The following CCDC171 variants were observed in gnomAD, a reference collection of about 807,000 sequenced individuals.
CCDC171 encodes the protein coiled-coil domain-containing protein 171.
CCDC171 carries 177 observed loss-of-function variants against 168.2 expected under a neutral mutation model. The ratio of observed to expected loss-of-function variants is 1.05; its 90% confidence interval spans 0.93 to 1.19. CCDC171 has a LOEUF of 1.19. CCDC171 is among the 50% of genes most tolerant of loss of function. CCDC171 has a pLI of 0.00. For synonymous variants in CCDC171, 687 were observed against 540.8 expected (o/e 1.27, Z -3.75); for missense variants, 1,991 against 1,539.0 (o/e 1.29, Z -4.91).
At chr9:16,034,847 G>C (rs1209225291) in intron 6 of CCDC171, among the ~76,000 whole-genome samples, 1 of 152,126 alleles carries the variant, frequency 6.6e-6, no homozygotes, top group Non-Finnish European at 1.5e-5. Context: ...TCCTCCATTT[G>C]GTTTTCAAAT....
the CCDC171 span, among the ~76,000 whole-genome samples, chr9:16,071,179 A>G: frequency 5.3e-5 from 8 of 152,056 alleles, no homozygotes; most frequent in South Asian, 6.2e-4. Context: ...ATTGTTTGAG[A>G]CCTGAGACCT....
chr9:15,837,823 G>A (rs1057430874), intron 21 of CCDC171, among the ~76,000 whole-genome samples: 5 of 152,120 alleles, frequency 3.3e-5, no homozygotes, highest in African/African-American at 1.2e-4. Context: ...TTGCACGATG[G>A]GAAAGCCGGT....
intron 7 of CCDC171, among the ~76,000 whole-genome samples, chr9:15,646,469 GAT>G (rs1187747936): frequency 1.3e-5 from 2 of 152,136 alleles, no homozygotes; most frequent in African/African-American, 2.4e-5. Context: ...ATTGGATAAA[GAT>G]TCAAGACCCA....
At position 16,025,299 on chromosome 9, in the gene CCDC171, T is replaced by C. The variant is rs181830864; in HGVS notation, n.998+2391T>C. Among the ~76,000 whole-genome samples, 602 of 152,062 alleles carry C rather than the reference T, an allele frequency of 4.0e-3. 1 individual carries two copies. The highest frequency in any genetic ancestry group is 6.1e-3 in the Non-Finnish European group (414 of 67,966). On this transcript the variant is annotated intron_variant and non_coding_transcript_variant, in intron 6 of 9. Coordinates refer to the CCDC171 transcript ENST00000486641. ...TCTACTAAAAATACAAAAATTAGCC[T>C]GATGTGGTCATGTGCGCCTGTAATC...
At chr9:15,883,847 T>G (rs574534852) in intron 24 of CCDC171, among the ~76,000 whole-genome samples, 1 of 152,320 alleles carries the variant, frequency 6.6e-6, no homozygotes, top group African/African-American at 2.4e-5. Context: ...TGTTGTTTAT[T>G]ATTCCTTTTC....
intron 24 of CCDC171, among the ~76,000 whole-genome samples, chr9:15,911,246 C>T (rs190747861): frequency 3.3e-5 from 5 of 152,120 alleles, no homozygotes; most frequent in Admixed American, 1.3e-4. Context: ...TTCCAACTGG[C>T]GTGAGATGGT....
At chr9:15,672,194 G>T (rs1180708589) in intron 9 of CCDC171, among the ~76,000 whole-genome samples, 1 of 152,104 alleles carries the variant, frequency 6.6e-6, no homozygotes, top group Non-Finnish European at 1.5e-5. Context: ...TTTTGATGGG[G>T]TTGTTTGTTT....
chr9:15,922,355 C>G (rs2132021866), intron 25 of CCDC171, among the ~76,000 whole-genome samples: 1 of 151,642 alleles, frequency 6.6e-6, no homozygotes, highest in Non-Finnish European at 1.5e-5. Context: ...CATTTACTAA[C>G]TTGAACTTTT....
chr9:16,002,135 A>ATTTTT (rs76881347), intron 3 of CCDC171, among the ~76,000 whole-genome samples: 1 of 102,470 alleles, frequency 9.8e-6, no homozygotes. Context: ...GCCTACTATC[A>ATTTTT]TTTTTTTTTT....
intron 25 of CCDC171, among the ~76,000 whole-genome samples, chr9:15,963,306 G>A (rs973012355): frequency 6.6e-6 from 1 of 151,754 alleles, no homozygotes; most frequent in African/African-American, 2.4e-5. Context: ...CGTTGTGCAT[G>A]TGTACCCTAA....
At chr9:16,013,271 A>G (rs529178511) in intron 3 of CCDC171, among the ~76,000 whole-genome samples, 37 of 152,082 alleles carry the variant, frequency 2.4e-4, no homozygotes, top group Non-Finnish European at 4.1e-4. Context: ...CAGCCTCTCC[A>G]GTCAGGCCAT....
intron 25 of CCDC171, among the ~76,000 whole-genome samples, chr9:15,950,765 A>T (rs1392045408): frequency 6.6e-6 from 1 of 152,032 alleles, no homozygotes; most frequent in East Asian, 1.9e-4. Context: ...TCAAATTCAC[A>T]CATAACAATA....
At chr9:16,063,105 A>G (rs1236095869), downstream of CCDC171, among the ~76,000 whole-genome samples, 1 of 152,196 alleles carries the variant, frequency 6.6e-6, no homozygotes, top group Non-Finnish European at 1.5e-5. Flanking sequence ...TCACTGATGA[A>G]TAATGATTTG....
rs182003967 is a variant in CCDC171, at chr9:15,968,666, C to G, written c.3754-2943C>G. On this transcript the variant is annotated intron_variant, in intron 25 of 25. Coordinates refer to ENST00000380701, the MANE Select transcript of CCDC171 (RefSeq NM_173550.4). ...GATTCAAGCGATTCCCCTGCCTCAG[C>G]CTCCTGAGTAGCTGGGATTACAGGC... 6.6e-5 allele frequency among the ~76,000 whole-genome samples: 10 copies of G among 151,836 alleles called. No individual in the cohort carries two copies. The East Asian group carries it at 1.9e-3, about 29-fold the overall frequency.
chr9:15,805,405 C>T (rs1040418415), intron 21 of CCDC171, among the ~76,000 whole-genome samples: 1 of 152,134 alleles, frequency 6.6e-6, no homozygotes, highest in Non-Finnish European at 1.5e-5. Flanking sequence ...CCTCTTAACA[C>T]TGCTTTAGCT....
At chr9:15,740,618 T>G (rs924254658) in intron 16 of CCDC171, among the ~76,000 whole-genome samples, 2 of 152,110 alleles carry the variant, frequency 1.3e-5, no homozygotes, top group African/African-American at 2.4e-5. Flanking sequence ...TTTTGTATTT[T>G]AAGTAGAGAC....
chr9:16,103,450 T>C, the CCDC171 span, among the ~76,000 whole-genome samples: 2 of 152,208 alleles, frequency 1.3e-5, no homozygotes, highest in Admixed American at 1.3e-4. Flanking sequence ...GTGAAAATGC[T>C]TTGAGGGATA....
At chr9:16,062,738 G>A (rs938139818), downstream of CCDC171, among the ~76,000 whole-genome samples, 1 of 152,186 alleles carries the variant, frequency 6.6e-6, no homozygotes, top group African/African-American at 2.4e-5. Context: ...TGGTGAGAGA[G>A]TGACATGCAC....
intron 18 of CCDC171, among the ~76,000 whole-genome samples, chr9:15,747,572 C>T (rs1014362432): frequency 1.3e-5 from 2 of 152,174 alleles, no homozygotes; most frequent in African/African-American, 2.4e-5. Flanking sequence ...GCAATACTTG[C>T]TGTTTTGCAG....
Sources: allele counts gnomAD v4.1 joint callset (sites outside exome capture counted in the v4.1 genomes callset), GRCh38; gene constraint gnomAD v4.1.1; transcripts MANE v1.5; gene names NCBI Gene and HGNC (gene_info 2026-07-23, HGNC 2026-07-21).